PTPN9: variants seen among roughly 807,000 people sequenced by gnomAD.
The protein encoded by PTPN9 is tyrosine-protein phosphatase non-receptor type 9.
A neutral mutation model predicts 69.8 loss-of-function variants in PTPN9; 26 were observed. That is an observed-to-expected ratio of 0.37 (90% CI 0.27 to 0.52). The LOEUF is 0.52. PTPN9 is among the 20% of genes least tolerant of loss of function. The pLI is 0.91. For missense variants in PTPN9, 549 were observed against 740.3 expected, an observed-to-expected ratio of 0.74 and a Z score of 3.00; for synonymous variants, 274 against 272.5, an observed-to-expected ratio of 1.01 and a Z score of -0.05.
At chr15:75,519,178 G>A (rs866486795) in intron 4 of PTPN9, among the ~76,000 whole-genome samples, 9 of 152,060 alleles carry the variant, frequency 5.9e-5, no homozygotes, top group Non-Finnish European at 8.8e-5. Context: ...GCGGGATCTC[G>A]GCTCACTGCA....
At chr15:75,514,229 G>A (rs2074858470) in intron 5 of PTPN9, among the ~76,000 whole-genome samples, 1 of 148,802 alleles carries the variant, frequency 6.7e-6, no homozygotes, top group South Asian at 2.1e-4. Context: ...GACCGCCAGT[G>A]TTGCATGGTA....
At chr15:75,529,274 C>A (rs1020149393) in intron 1 of PTPN9, among the ~76,000 whole-genome samples, 1 of 152,068 alleles carries the variant, frequency 6.6e-6, no homozygotes, top group East Asian at 1.9e-4. Context: ...TGTGAGCCAC[C>A]GCACCCAGCC....
chr15:75,531,553 T>C (rs1161221995), intron 1 of PTPN9, among the ~76,000 whole-genome samples: 4 of 151,766 alleles, frequency 2.6e-5, no homozygotes, highest in East Asian at 3.9e-4. Context: ...CCAGGAGACA[T>C]GGTACCTGTT....
intron 10 of PTPN9, among the ~76,000 whole-genome samples, chr15:75,472,465 T>C (rs1190914131): frequency 2.1e-5 from 3 of 141,092 alleles, no homozygotes; most frequent in Non-Finnish European, 3.0e-5. Flanking sequence ...GTCTCAAAAA[T>C]AAAATAAAAT....
chr15:75,470,978 A>G, intron 10 of PTPN9, 148 bp from the exon 11 acceptor site: 1 of 970,250 alleles, frequency 1.0e-6, no homozygotes, highest in Non-Finnish European at 1.5e-6. Context: ...GCAGAAAGGA[A>G]AGGAAACCTC....
intron 4 of PTPN9, among the ~76,000 whole-genome samples, chr15:75,519,177 C>T (rs1231820010): frequency 1.3e-5 from 2 of 152,150 alleles, no homozygotes; most frequent in Admixed American, 6.5e-5. Flanking sequence ...GGCGGGATCT[C>T]GGCTCACTGC....
intron 1 of PTPN9, among the ~76,000 whole-genome samples, chr15:75,562,877 CA>C (rs1436324129): frequency 1.3e-5 from 2 of 148,482 alleles, no homozygotes; most frequent in Admixed American, 6.8e-5. Flanking sequence ...TAAACAATTT[CA>C]AAAAAGTTTC....
At chr15:75,496,745 G>C (rs1016141401) in intron 7 of PTPN9, among the ~76,000 whole-genome samples, 8 of 152,030 alleles carry the variant, frequency 5.3e-5, no homozygotes, top group African/African-American at 1.9e-4. Flanking sequence ...AGGCTCAAAC[G>C]ATCTACCCAC....
intron 1 of PTPN9, among the ~76,000 whole-genome samples, chr15:75,567,067 G>A (rs2075129703): frequency 6.7e-6 from 1 of 150,102 alleles, no homozygotes; most frequent in East Asian, 2.0e-4. Flanking sequence ...CCAGGCTGGA[G>A]TGCAGTGGCG....
chr15:75,556,907 G>GTACT (rs2075080376), intron 1 of PTPN9, among the ~76,000 whole-genome samples: 1 of 151,986 alleles, frequency 6.6e-6, no homozygotes, highest in South Asian at 2.1e-4. Flanking sequence ...CCCTATGAAT[G>GTACT]TACCTATTGT....
At chr15:75,490,114 C>A (rs2074700471) in intron 8 of PTPN9, 94 bp downstream of exon 8, 1 of 1,036,882 alleles carries the variant, frequency 9.6e-7, no homozygotes, top group Non-Finnish European at 1.5e-6. Context: ...GCCTCGGAGT[C>A]TACTTTCATT....
At chr15:75,498,117 C>T (rs535667998) in intron 7 of PTPN9, among the ~76,000 whole-genome samples, 1 of 151,580 alleles carries the variant, frequency 6.6e-6, no homozygotes, top group South Asian at 2.1e-4. Flanking sequence ...ATCACTTGAA[C>T]CCATGAGGCG....
rs528339078 is a variant in PTPN9, at chr15:75,464,105, G to C, written c.*4664C>G. On this transcript the variant is annotated 3_prime_UTR_variant, in exon 13 of 13. Coordinates refer to ENST00000618819, the MANE Select transcript of PTPN9 (RefSeq NM_002833.4). Reference sequence around the variant, plus strand: ...CCAAGGGGGAAGAGAACTGAGGGAAGCTAGGGAAGTAGCAGCAGCTTGAAA... The same window carrying C: ...CCAAGGGGGAAGAGAACTGAGGGAACCTAGGGAAGTAGCAGCAGCTTGAAA... The C allele has an allele frequency of 6.6e-6, 1 of 152,590 alleles. No individual in the cohort carries two copies. The highest frequency in any genetic ancestry group is 1.5e-5 in the Non-Finnish European group (1 of 68,282). The allele number at this position is 152,590 out of a possible 1,614,324, so 9.5% of individuals were successfully genotyped here. A position where few individuals can be genotyped will look rare whatever the true frequency, so the allele number is the denominator to read the frequency against.
chr15:75,536,471 G>A (rs2074982724), intron 1 of PTPN9, among the ~76,000 whole-genome samples: 1 of 152,090 alleles, frequency 6.6e-6, no homozygotes, highest in African/African-American at 2.4e-5. Context: ...TCTCTCTATG[G>A]ATATAAAAAA....
intron 1 of PTPN9, among the ~76,000 whole-genome samples, chr15:75,576,627 G>A (rs2075174999): frequency 6.6e-6 from 1 of 151,676 alleles, no homozygotes; most frequent in African/African-American, 2.4e-5. Context: ...GGCCAACATG[G>A]TGAAACCCCG....
intron 1 of PTPN9, among the ~76,000 whole-genome samples, chr15:75,534,117 C>T (rs1238617564): frequency 6.6e-6 from 1 of 152,176 alleles, no homozygotes; most frequent in South Asian, 2.1e-4. Flanking sequence ...TTGGGCAAGT[C>T]ATTTAACCTC....
intron 1 of PTPN9, among the ~76,000 whole-genome samples, chr15:75,533,246 C>G (rs1248465673): frequency 6.6e-6 from 1 of 152,102 alleles, no homozygotes; most frequent in Non-Finnish European, 1.5e-5. Context: ...ACCAGTTTTT[C>G]AGGTAAGGGT....
chr15:75,492,282 A>C (rs1213891841), intron 7 of PTPN9, among the ~76,000 whole-genome samples: 1 of 152,196 alleles, frequency 6.6e-6, no homozygotes, highest in Non-Finnish European at 1.5e-5. Context: ...AAACCCAAAA[A>C]GTGACAGTGG....
intron 1 of PTPN9, among the ~76,000 whole-genome samples, chr15:75,538,441 A>C (rs940821684): frequency 6.6e-6 from 1 of 152,180 alleles, no homozygotes; most frequent in African/African-American, 2.4e-5. Context: ...TCCAATCTAT[A>C]ATCCCAGCAC....
Sources: allele counts gnomAD v4.1 joint callset (sites outside exome capture counted in the v4.1 genomes callset), GRCh38; gene constraint gnomAD v4.1.1; transcripts MANE v1.5; gene names NCBI Gene and HGNC (gene_info 2026-07-23, HGNC 2026-07-21).